The following SPEF2 variants were observed in gnomAD, a reference collection of about 807,000 sequenced individuals.
SPEF2 encodes sperm flagellar and cilia associated 2.
In SPEF2, 187 loss-of-function variants were observed where a neutral mutation model predicts 224.6. The ratio of observed to expected loss-of-function variants is 0.83; its 90% CI spans 0.74 to 0.94. SPEF2 has a LOEUF of 0.94. Ranked by LOEUF, SPEF2 falls within the 40% of genes least tolerant of loss-of-function variation. SPEF2 has a pLI of 0.00. For missense variants in SPEF2, 2,170 were observed against 2,135.6 expected, an observed-to-expected ratio of 1.02 and a Z score of -0.32; for synonymous variants, 715 against 707.3, an observed-to-expected ratio of 1.01 and a Z score of -0.17.
chr5:35,639,008 C>T (rs1746227947), intron 2 of SPEF2, among the ~76,000 whole-genome samples: 1 of 152,124 alleles, frequency 6.6e-6, no homozygotes, highest in African/African-American at 2.4e-5. Context: ...AAAGGGTCCC[C>T]ATCTGGCTGG....
Position 35,644,409 on chromosome 5 carries a change from T to C in SPEF2, c.469T>C (p.Tyr157His), listed in dbSNP as rs778574569. The part of the protein sequence containing the change: ...QTDFNLMRIT[Y>H]RFQEKYKHVK... ...TGATTTCAATCTGATGCGGATTACA[T>C]ACAGGTTTCAAGAAAAATATAAACA... is the stretch of plus-strand genomic sequence containing the variant. The change falls in exon 4 of 37, where the codon TAC becomes CAC. Residue 157 changes from tyrosine to histidine, a missense_variant. Physicochemically the swap from Tyr to His is moderately conservative, Grantham distance 83. Transcript: ENST00000356031. The C allele has an allele frequency of 1.9e-6, 3 of 1,610,506 alleles. No homozygotes were observed. The highest frequency in any genetic ancestry group is 2.5e-6 in the Non-Finnish European group (3 of 1,178,292).
At chr5:35,733,562 A>G (rs1580496441) in intron 21 of SPEF2, among the ~76,000 whole-genome samples, 1 of 152,212 alleles carries the variant, frequency 6.6e-6, no homozygotes, top group East Asian at 1.9e-4. Flanking sequence ...TCTCAGTCTG[A>G]GAGATTGTCT....
intron 2 of SPEF2, among the ~76,000 whole-genome samples, chr5:35,633,926 T>C (rs1745476123): frequency 6.6e-6 from 1 of 152,070 alleles, no homozygotes; most frequent in Non-Finnish European, 1.5e-5. Flanking sequence ...TGTAGCTCAG[T>C]TGTCTCCTCC....
intron 30 of SPEF2, among the ~76,000 whole-genome samples, chr5:35,781,829 A>C (rs558883951): frequency 3.3e-5 from 5 of 152,120 alleles, no homozygotes; most frequent in Admixed American, 1.3e-4. Context: ...AAGTGTTGGG[A>C]ATTTGATTGA....
rs111867488 is a variant in SPEF2, at chr5:35,784,269, A to G, written c.4447+4923A>G. 4.7e-3 allele frequency among the ~76,000 whole-genome samples: 709 copies of G among 152,138 alleles called. 7 individuals are homozygous for G. Among genetic ancestry groups the G allele is most frequent in the African/African-American group, 0.016 (663 of 41,524 alleles). On this transcript the variant is annotated intron_variant, in intron 30 of 36. Transcript: ENST00000356031. ...CAGCCTCCGGAGTAGCTGGGACTAC[A>G]GGCAAACGCCACCACACCCGGCTAA... is the stretch of plus-strand genomic sequence containing the variant.
chr5:35,742,496 ATTTTAAATCTAAAT>A (rs1349404962), intron 23 of SPEF2, among the ~76,000 whole-genome samples: 1 of 152,038 alleles, frequency 6.6e-6, no homozygotes, highest in African/African-American at 2.4e-5. Flanking sequence ...TTATACAAAT[ATTTTAAATCTAAAT>A]TATTAGATTT....
At chr5:35,618,640 T>G (rs1743004371) in intron 1 of SPEF2, among the ~76,000 whole-genome samples, 1 of 152,194 alleles carries the variant, frequency 6.6e-6, no homozygotes, top group Non-Finnish European at 1.5e-5. Context: ...TATGTTAACA[T>G]TTACAAATTT....
chr5:35,764,604 T>C (rs1044384753), intron 26 of SPEF2: 1 of 456,090 alleles, frequency 2.2e-6, no homozygotes, highest in African/African-American at 2.0e-5. Flanking sequence ...CGAGTTTCCA[T>C]GAAATATCGC....
intron 20 of SPEF2, among the ~76,000 whole-genome samples, 196 bp downstream of exon 20, chr5:35,713,082 T>C (rs1460647911): frequency 1.3e-5 from 2 of 152,142 alleles, no homozygotes; most frequent in East Asian, 1.9e-4. Flanking sequence ...CTGAGAAAAG[T>C]GATGCTTGCA....
chr5:35,667,857 GAA>G (rs1750717423), intron 9 of SPEF2, among the ~76,000 whole-genome samples: 1 of 151,984 alleles, frequency 6.6e-6, no homozygotes, highest in African/African-American at 2.4e-5. Flanking sequence ...CAAAAGATAT[GAA>G]AAGACATTTC....
At chr5:35,769,566 C>G (rs1294740962) in intron 26 of SPEF2, among the ~76,000 whole-genome samples, 1 of 152,106 alleles carries the variant, frequency 6.6e-6, no homozygotes, top group African/African-American at 2.4e-5. Flanking sequence ...TATTAAGCAC[C>G]TACTGGGCAT....
At chr5:35,741,342 C>T (rs1580534820) in intron 23 of SPEF2, among the ~76,000 whole-genome samples, 1 of 152,066 alleles carries the variant, frequency 6.6e-6, no homozygotes, top group Non-Finnish European at 1.5e-5. Context: ...TTGGGTAAGC[C>T]ATGTAAATAT....
chr5:35,756,509 G>GC, intron 24 of SPEF2, among the ~76,000 whole-genome samples: 1 of 152,260 alleles, frequency 6.6e-6, no homozygotes, highest in Non-Finnish European at 1.5e-5. Flanking sequence ...TAAAGAAAGA[G>GC]CCTAATGAAC....
chr5:35,680,642 G>A (rs562214584), intron 10 of SPEF2, among the ~76,000 whole-genome samples: 1 of 152,272 alleles, frequency 6.6e-6, no homozygotes, highest in Admixed American at 6.5e-5. Flanking sequence ...CCATTCCAGA[G>A]AATGATGCTG....
At chr5:35,631,634 T>C (rs1745145730) in intron 2 of SPEF2, among the ~76,000 whole-genome samples, 1 of 152,192 alleles carries the variant, frequency 6.6e-6, no homozygotes, top group Non-Finnish European at 1.5e-5. Flanking sequence ...AATGAAAACC[T>C]ATCCATGTGA....
chr5:35,678,077 T>C (rs1414977193), intron 10 of SPEF2, among the ~76,000 whole-genome samples: 1 of 152,250 alleles, frequency 6.6e-6, no homozygotes, highest in Non-Finnish European at 1.5e-5. Flanking sequence ...AGTGTAAATT[T>C]CCTTCCAAAA....
intron 23 of SPEF2, among the ~76,000 whole-genome samples, chr5:35,750,374 C>T (rs1324301375): frequency 5.3e-5 from 8 of 152,140 alleles, no homozygotes; most frequent in Non-Finnish European, 1.0e-4. Flanking sequence ...AACCAAACAA[C>T]TTTTGCACGG....
chr5:35,814,107 G>A (rs1758694824), intron 36 of SPEF2, among the ~76,000 whole-genome samples: 1 of 151,924 alleles, frequency 6.6e-6, no homozygotes, highest in African/African-American at 2.4e-5. Context: ...TTTCATAGAG[G>A]GTGAATACTG....
At chr5:35,767,330 G>A (rs1306842479) in intron 26 of SPEF2, among the ~76,000 whole-genome samples, 1 of 151,816 alleles carries the variant, frequency 6.6e-6, no homozygotes, top group Non-Finnish European at 1.5e-5. Flanking sequence ...TTTAGAAATT[G>A]TTTATATGTC....
Sources: gnomAD v4.1 joint callset for allele counts (sites outside exome capture counted in the v4.1 genomes callset) on GRCh38, gnomAD v4.1.1 for gene constraint, MANE v1.5 for transcripts, NCBI Gene and HGNC (gene_info 2026-07-23, HGNC 2026-07-21) for gene names.